Variants in SGCZ observed in about 807,000 individuals in gnomAD.
SGCZ encodes the protein zeta-sarcoglycan.
SGCZ carries 40 observed loss-of-function variants against 41.3 expected under a neutral mutation model. The observed-to-expected ratio is 0.97, with a 90% CI of 0.75 to 1.26. The LOEUF is 1.26. SGCZ is among the 50% of genes most tolerant of loss of function. The probability of loss-of-function intolerance (pLI) is 0.00; values close to 1 mark genes in which losing one functional copy is unlikely to be tolerated. For synonymous variants in SGCZ, 206 were observed against 137.5 expected, an observed-to-expected ratio of 1.50 and a Z score of -3.49; for missense variants, 552 against 369.8, an observed-to-expected ratio of 1.49 and a Z score of -4.04.
rs1028248127 is a variant in SGCZ, at chr8:14,805,567, C to A, written c.40-250641G>T. On this transcript the variant is annotated intron_variant, in intron 1 of 7. Transcript: ENST00000382080. Reference sequence around the variant, plus strand: ...TATATGCACCCAATACAGGAGCACCCAGATTCATAAAGCACGTCCTGAGTG... The same window carrying A: ...TATATGCACCCAATACAGGAGCACCAAGATTCATAAAGCACGTCCTGAGTG... 3.5e-3 allele frequency among the ~76,000 whole-genome samples: 468 copies of A among 133,822 alleles called. 8 individuals carry two copies. The highest frequency in any genetic ancestry group is 0.011 in the African/African-American group (425 of 40,210). The allele number at this position is 133,822 out of a possible 152,430, so 87.8% of individuals were successfully genotyped here.
intron 1 of SGCZ, among the ~76,000 whole-genome samples, chr8:14,670,913 A>G (rs1808080492): frequency 6.6e-6 from 1 of 152,218 alleles, no homozygotes; most frequent in Admixed American, 6.5e-5. Flanking sequence ...ACTACCCTAT[A>G]GAACTAGTGA....
At position 15,000,219 on chromosome 8, in the gene SGCZ, T is replaced by C. The variant is rs1585456208; in HGVS notation, c.39+237366A>G. Among the ~76,000 whole-genome samples, 7 of 152,272 alleles carry C rather than the reference T, an allele frequency of 4.6e-5. 1 individual carries two copies. The South Asian group carries it at 1.5e-3, about 32-fold the overall frequency. Reference sequence around the variant, plus strand: ...TAGGAAACCAACCCTGCCCAGCACCTTGATCTTGGACTTCCAGCCTTTAGA... The same window carrying C: ...TAGGAAACCAACCCTGCCCAGCACCCTGATCTTGGACTTCCAGCCTTTAGA... On this transcript the variant is annotated intron_variant, in intron 1 of 7. Transcript: ENST00000382080.
At chr8:14,484,190 C>G (rs1291264006) in intron 2 of SGCZ, among the ~76,000 whole-genome samples, 7 of 152,132 alleles carry the variant, frequency 4.6e-5, no homozygotes, top group Non-Finnish European at 8.8e-5. Context: ...AGCTATACAA[C>G]TCAATGACGT....
chr8:15,154,847 G>A (rs531225068), intron 1 of SGCZ, among the ~76,000 whole-genome samples: 1 of 152,322 alleles, frequency 6.6e-6, no homozygotes, highest in Non-Finnish European at 1.5e-5. Flanking sequence ...ATGAACATGA[G>A]AGGTTGGTTA....
chr8:14,864,535 G>A (rs1173577082), intron 1 of SGCZ, among the ~76,000 whole-genome samples: 1 of 152,094 alleles, frequency 6.6e-6, no homozygotes, highest in Non-Finnish European at 1.5e-5. Flanking sequence ...CTAGAATCTT[G>A]TGTCCCGGTG....
chr8:14,471,083 T>C (rs1332855278), intron 2 of SGCZ, among the ~76,000 whole-genome samples: 1 of 152,144 alleles, frequency 6.6e-6, no homozygotes, highest in Non-Finnish European at 1.5e-5. Flanking sequence ...TTTAATTACA[T>C]CTAATTAATG....
chr8:14,811,632 T>C (rs947663002), intron 1 of SGCZ, among the ~76,000 whole-genome samples: 1 of 139,368 alleles, frequency 7.2e-6, no homozygotes, highest in Non-Finnish European at 1.5e-5. Flanking sequence ...AATTTTCACA[T>C]AAATTTCATA....
chr8:14,248,089 C>A (rs1351092141), intron 3 of SGCZ, among the ~76,000 whole-genome samples: 1 of 152,112 alleles, frequency 6.6e-6, no homozygotes. Flanking sequence ...TAAATCACTT[C>A]TTTTTATGGA....
At chr8:14,853,843 A>G (rs1423438768) in intron 1 of SGCZ, among the ~76,000 whole-genome samples, 1 of 151,796 alleles carries the variant, frequency 6.6e-6, no homozygotes, top group East Asian at 1.9e-4. Context: ...CAGAAGACCA[A>G]TTTAGTCCCA....
rs114306577 is a variant in SGCZ, at chr8:14,609,848, G to T, written c.40-54922C>A. The stretch of plus-strand genomic sequence containing the variant: ...GGAGAAAAAAAAACAGCAGGCTAAT[G>T]TGAAGCAGAGTTATCTATGACCTTC... On this transcript the variant is annotated intron_variant, in intron 1 of 7. Coordinates refer to ENST00000382080, the MANE Select transcript of SGCZ (RefSeq NM_139167.4). Among the ~76,000 whole-genome samples the T allele has an allele frequency of 4.0e-3, 605 of 152,268 alleles. 4 individuals are homozygous for T. Among genetic ancestry groups the T allele is most frequent in the African/African-American group, 0.012 (496 of 41,562 alleles).
chr8:14,984,149 C>T (rs1188975107), intron 1 of SGCZ, among the ~76,000 whole-genome samples: 1 of 152,090 alleles, frequency 6.6e-6, no homozygotes, highest in African/African-American at 2.4e-5. Flanking sequence ...ATAATGGACC[C>T]ACATGTACAA....
intron 1 of SGCZ, among the ~76,000 whole-genome samples, chr8:14,693,714 C>A (rs1203954651): frequency 1.3e-5 from 2 of 151,132 alleles, no homozygotes; most frequent in African/African-American, 2.4e-5. Flanking sequence ...CCTCAGCCCC[C>A]CAAGTAGCTG....
At chr8:14,713,527 T>A (rs1809588724) in intron 1 of SGCZ, among the ~76,000 whole-genome samples, 1 of 152,182 alleles carries the variant, frequency 6.6e-6, no homozygotes, top group Non-Finnish European at 1.5e-5. Context: ...TTACACGTGT[T>A]GCTAAATGCA....
intron 1 of SGCZ, among the ~76,000 whole-genome samples, chr8:15,045,127 G>T (rs886838750): frequency 1.3e-5 from 2 of 151,280 alleles, no homozygotes; most frequent in Admixed American, 6.6e-5. Flanking sequence ...TATTACACTT[G>T]GGTTATTTGG....
intron 2 of SGCZ, among the ~76,000 whole-genome samples, chr8:14,381,334 C>A (rs1266349336): frequency 6.6e-6 from 1 of 152,148 alleles, no homozygotes; most frequent in Non-Finnish European, 1.5e-5. Flanking sequence ...AACATACAAC[C>A]TTCTACAATC....
At chr8:14,911,390 G>T (rs956161648) in intron 1 of SGCZ, among the ~76,000 whole-genome samples, 2 of 151,908 alleles carry the variant, frequency 1.3e-5, no homozygotes, top group African/African-American at 4.8e-5. Flanking sequence ...AGCATCAAAA[G>T]AAATCTAGGA....
At chr8:14,780,089 T>TA (rs571335967) in intron 1 of SGCZ, among the ~76,000 whole-genome samples, 8 of 151,698 alleles carry the variant, frequency 5.3e-5, no homozygotes, top group African/African-American at 1.7e-4. Flanking sequence ...CATAGAAAAA[T>TA]ACGGCCGGGC....
chr8:14,565,762 A>T (rs1804340221), intron 1 of SGCZ, among the ~76,000 whole-genome samples: 1 of 152,134 alleles, frequency 6.6e-6, no homozygotes, highest in South Asian at 2.1e-4. Flanking sequence ...TTGTATTCTA[A>T]CACCAAGCAG....
chr8:14,390,468 A>G (rs534240957), intron 2 of SGCZ, among the ~76,000 whole-genome samples: 1 of 152,044 alleles, frequency 6.6e-6, no homozygotes, highest in East Asian at 1.9e-4. Flanking sequence ...ATATATGTAG[A>G]TAAATAAAAG....
Sources: allele counts gnomAD v4.1 joint callset (sites outside exome capture counted in the v4.1 genomes callset), GRCh38; gene constraint gnomAD v4.1.1; transcripts MANE v1.5; gene names NCBI Gene and HGNC (gene_info 2026-07-23, HGNC 2026-07-21).